The following C3orf20 variants were observed in gnomAD, a reference collection of about 807,000 sequenced individuals.
The protein encoded by C3orf20 is family with sequence similarity 149 member C.
Under a neutral mutation model 88.3 loss-of-function variants are expected in C3orf20, and 76 were observed. That is an observed-to-expected ratio of 0.86 (90% CI 0.72 to 1.04). The LOEUF (loss-of-function observed/expected upper bound fraction) is 1.04, where lower values mean the gene tolerates loss of function less well. Ranked by LOEUF, C3orf20 falls within the 50% of genes least tolerant of loss-of-function variation. C3orf20 has a pLI of 0.00. For missense variants in C3orf20, 1,056 were observed against 1,123.3 expected, an observed-to-expected ratio of 0.94 and a Z score of 0.86; for synonymous variants, 436 against 437.4, an observed-to-expected ratio of 1.00 and a Z score of 0.04.
rs1283353413 is a variant in C3orf20, at chr3:14,728,386, C to T, written c.1691-53C>T. ...GATGTTTCCAGTCTGGGACCAGGGG[C>T]AGAGGAGTCCTGGCCATGAAGGGAA... On this transcript the variant is annotated intron_variant, in intron 11 of 16. Coordinates refer to ENST00000253697, the MANE Select transcript of C3orf20 (RefSeq NM_032137.5). The T allele has an allele frequency of 1.9e-6, 3 of 1,605,030 alleles. No individual in the cohort carries two copies. The African/African-American group carries it at 4.0e-5, about 22-fold the overall frequency.
chr3:14,719,155 C>G (rs1302454907), intron 9 of C3orf20, among the ~76,000 whole-genome samples: 7 of 144,900 alleles, frequency 4.8e-5, no homozygotes, highest in African/African-American at 1.8e-4. Context: ...TTTTTTCAAG[C>G]TTATAGTTAT....
At chr3:14,763,654 A>G (rs1196095740) in intron 15 of C3orf20, among the ~76,000 whole-genome samples, 2 of 152,206 alleles carry the variant, frequency 1.3e-5, no homozygotes, top group Non-Finnish European at 2.9e-5. Context: ...CTTTAGTAGG[A>G]AATGACAGTT....
In C3orf20 at chr3:14,701,110, G is replaced by A. The variant is rs1206066394; in HGVS notation, c.746-2020G>A. On this transcript the variant is annotated intron_variant, in intron 5 of 16. Transcript: ENST00000253697. This position sits in a 1 kb window ranked among gnomAD's most constrained non-coding sequence, Gnocchi z 4.6. Reference sequence around the variant, plus strand: ...GAGGCTCAATCCAGCAGATGCTCCAGGTGGCCTGCTAGCAGGTCGCTGGAC... The same window carrying A: ...GAGGCTCAATCCAGCAGATGCTCCAAGTGGCCTGCTAGCAGGTCGCTGGAC... 2.0e-5 allele frequency among the ~76,000 whole-genome samples: 3 copies of A among 152,230 alleles called. No homozygotes were observed. Among genetic ancestry groups the A allele is most frequent in the African/African-American group, 7.2e-5 (3 of 41,456 alleles).
At position 14,703,129 on chromosome 3, in the gene C3orf20, G is replaced by T; in HGVS notation, c.746-1G>T. The T allele has an allele frequency of 1.2e-6, 2 of 1,614,124 alleles. No homozygotes were observed. Among genetic ancestry groups the T allele is most frequent in the Non-Finnish European group, 1.7e-6 (2 of 1,180,000 alleles). On this transcript the variant is annotated splice_acceptor_variant, in intron 5 of 16. Transcript: ENST00000253697. LOFTEE classifies it high-confidence loss of function. ...TCTAACTTCTTGCCCTCCAACTACA[G>T]GCAAATCTAGAACTACAGAAGATGT...
intron 7 of C3orf20, among the ~76,000 whole-genome samples, chr3:14,709,384 C>T (rs1210728653): frequency 8.6e-5 from 13 of 152,014 alleles, no homozygotes; most frequent in Admixed American, 3.9e-4. Flanking sequence ...TTGCTGTGGC[C>T]AGAACTTTCA....
At position 14,715,321 on chromosome 3, in the gene C3orf20, G is replaced by T; in HGVS notation, c.1346G>T (p.Gly449Val). Residue 449 changes from glycine (G) to valine (V), a missense_variant, in exon 9 of 17, where the codon GGT becomes GTT. Gly to Val is a moderately radical substitution (Grantham distance 109, BLOSUM62 -3). Coordinates refer to ENST00000253697, the MANE Select transcript of C3orf20 (RefSeq NM_032137.5). The part of the protein sequence containing the change: ...CPYVLILDEE[G>V]GTTNDQQGYV... ...TATGTCTTAATCTTGGATGAGGAAG[G>T]TGGGACCACCAATGACCAGCAGGGC... is the stretch of plus-strand genomic sequence containing the variant. 6.2e-7 allele frequency: 1 copy of T among 1,612,498 alleles called. No individual in the cohort carries two copies. Among genetic ancestry groups the T allele is most frequent in the Non-Finnish European group, 8.5e-7 (1 of 1,179,812 alleles).
intron 7 of C3orf20, among the ~76,000 whole-genome samples, chr3:14,708,728 C>G (rs1252752962): frequency 6.6e-6 from 1 of 152,172 alleles, no homozygotes; most frequent in African/African-American, 2.4e-5. Context: ...ACTGCAACCT[C>G]TGCCTCCTGG....
rs577361915 is a variant in C3orf20 at position 14,728,362 on chromosome 3, A to T, written c.1691-77A>T. 1.8e-5 allele frequency: 29 copies of T among 1,578,588 alleles called. No homozygotes were observed. The African/African-American group carries it at 3.6e-4, about 20-fold the overall frequency. The stretch of plus-strand genomic sequence containing the variant: ...TGGGGGTGAGCCAAGGTGCACTTAG[A>T]TGTTTCCAGTCTGGGACCAGGGGCA... On this transcript the variant is annotated intron_variant, in intron 11 of 16. Transcript: ENST00000253697.
intron 6 of C3orf20, 143 bp from the exon 7 acceptor site, chr3:14,704,194 C>T (rs145560400): frequency 2.0e-4 from 161 of 821,080 alleles, no homozygotes; most frequent in African/African-American, 1.2e-3. Flanking sequence ...CCTTTATGGA[C>T]GAGGGAGCAT....
intron 12 of C3orf20, among the ~76,000 whole-genome samples, chr3:14,754,277 G>C (rs1410281554): frequency 1.3e-5 from 2 of 152,192 alleles, no homozygotes; most frequent in African/African-American, 4.8e-5. Flanking sequence ...CTCCAGCCCT[G>C]AGAATGTTGC....
chr3:14,677,845 G>A (rs918062863), intron 1 of C3orf20, among the ~76,000 whole-genome samples: 1 of 152,102 alleles, frequency 6.6e-6, no homozygotes, highest in Non-Finnish European at 1.5e-5. Flanking sequence ...TGTGCTGTGG[G>A]TGCAGCTCAC....
rs547707652 is a variant in C3orf20, at chr3:14,740,317, G to A, written c.1940+11629G>A. Among the ~76,000 whole-genome samples, 31 of 152,308 alleles carry A rather than the reference G, an allele frequency of 2.0e-4. No individual in the cohort carries two copies. In the South Asian group the frequency reaches 3.5e-3, roughly 17 times the overall value. On this transcript the variant is annotated intron_variant, in intron 12 of 16. Transcript: ENST00000253697. ...AAGCCCAAGGAGATGGAGAGAAACA[G>A]GGGAATGGCTGGTTGGTGGAGCAGT...
intron 5 of C3orf20, among the ~76,000 whole-genome samples, chr3:14,694,915 C>T (rs1196045568): frequency 5.3e-5 from 8 of 152,018 alleles, no homozygotes; most frequent in Admixed American, 3.3e-4. Flanking sequence ...CTCAGCCTCC[C>T]GAGTAGCTGG....
intron 7 of C3orf20, among the ~76,000 whole-genome samples, chr3:14,706,927 G>T (rs912750826): frequency 6.6e-6 from 1 of 151,994 alleles, no homozygotes; most frequent in African/African-American, 2.4e-5. Context: ...TGTTTTCATA[G>T]ATATTGCTGG....
intron 5 of C3orf20, among the ~76,000 whole-genome samples, chr3:14,698,150 T>G (rs968885793): frequency 6.6e-6 from 1 of 152,234 alleles, no homozygotes; most frequent in African/African-American, 2.4e-5. Flanking sequence ...TTCAATCTCT[T>G]CGTTAAATGA....
intron 12 of C3orf20, among the ~76,000 whole-genome samples, chr3:14,746,214 G>A (rs1340123666): frequency 6.6e-6 from 1 of 152,182 alleles, no homozygotes; most frequent in Non-Finnish European, 1.5e-5. Context: ...GAAAGTTGGG[G>A]GTTTTACTAG....
At position 14,682,618 on chromosome 3, in the gene C3orf20, A is replaced by G; in HGVS notation, c.-96A>G. 1 of 1,477,394 alleles carries G rather than the reference A, an allele frequency of 6.8e-7. No homozygotes were observed. The highest frequency in any genetic ancestry group is 2.2e-5 in the Admixed American group (1 of 46,290). 91.5% of individuals were successfully genotyped at this position (1,477,394 alleles called of 1,614,324 possible). A position where few individuals can be genotyped will look rare whatever the true frequency, so the allele number is the denominator to read the frequency against. On this transcript the variant is annotated 5_prime_UTR_variant, in exon 3 of 17. Coordinates refer to ENST00000253697, the MANE Select transcript of C3orf20 (RefSeq NM_032137.5). ...TGACCTGTAAGGGCCGTTTCAGCAC[A>G]TCCATTCTGTCCATCTCCAAGCCTT...
chr3:14,759,938 C>G lies in C3orf20; in HGVS notation c.2292C>G (p.Pro764=), dbSNP rs1172899701. Residue 764 remains proline (P), a synonymous_variant, in exon 14 of 17, where the codon CCC becomes CCG. Coordinates refer to ENST00000253697, the MANE Select transcript of C3orf20 (RefSeq NM_032137.5). ...TGCTGCAGTATGACCTGGACAGCCC[C>G]CTGCAGGAGGACCCTCCCCTGATGG... is the stretch of plus-strand genomic sequence containing the variant. ...YRLLQYDLDS[P]LQEDPPLMVK... 3 of 1,614,160 alleles carry G rather than the reference C, an allele frequency of 1.9e-6. No homozygotes were observed. Among genetic ancestry groups the G allele is most frequent in the Non-Finnish European group, 2.5e-6 (3 of 1,180,014 alleles).
Position 14,695,792 on chromosome 3 carries a change from A to G in C3orf20, c.745+5676A>G, listed in dbSNP as rs114039843. On this transcript the variant is annotated intron_variant, in intron 5 of 16. Transcript: ENST00000253697. Reference sequence around the variant, plus strand: ...TTTTGTTTCAAAATCTATTTTGTCTAAGTATAGCTACTCCTGCTCTTTTTT... The same window carrying G: ...TTTTGTTTCAAAATCTATTTTGTCTGAGTATAGCTACTCCTGCTCTTTTTT... 6.6e-3 allele frequency among the ~76,000 whole-genome samples: 1,007 copies of G among 152,196 alleles called. 11 individuals carry two copies. The highest frequency in any genetic ancestry group is 0.023 in the African/African-American group (952 of 41,540).
Sources: allele counts gnomAD v4.1 joint callset (sites outside exome capture counted in the v4.1 genomes callset), GRCh38; gene constraint gnomAD v4.1.1; non-coding constraint Gnocchi (gnomAD v3.1); transcripts MANE v1.5; gene names NCBI Gene and HGNC (gene_info 2026-07-23, HGNC 2026-07-21).